CSMD1: variants seen among roughly 807,000 people sequenced by gnomAD.
CSMD1 encodes CUB and Sushi multiple domains 1.
A neutral mutation model predicts 417.5 loss-of-function variants in CSMD1; 213 were observed. The ratio of observed to expected loss-of-function variants is 0.51; its 90% CI spans 0.46 to 0.57. The LOEUF is 0.57. Ranked by LOEUF, CSMD1 falls within the 20% of genes least tolerant of loss-of-function variation. The pLI, the probability that CSMD1 is intolerant of heterozygous loss-of-function variation, is 0.00. For missense variants in CSMD1, 6,923 were observed against 4,529.7 expected, an observed-to-expected ratio of 1.53 and a Z score of -15.17; for synonymous variants, 2,862 against 1,736.8, an observed-to-expected ratio of 1.65 and a Z score of -16.11.
chr8:3,734,632 A>G (rs1422269531), intron 6 of CSMD1, among the ~76,000 whole-genome samples: 2 of 152,118 alleles, frequency 1.3e-5, no homozygotes, highest in African/African-American at 4.8e-5. Flanking sequence ...AATTGCTTGA[A>G]CCTGGGAGGC....
rs116367388 is a variant in CSMD1 at position 4,264,271 on chromosome 8, G to A, written c.415+155682C>T. 8.5e-3 allele frequency among the ~76,000 whole-genome samples: 1,294 copies of A among 152,194 alleles called. 16 individuals are homozygous for A. The highest frequency in any genetic ancestry group is 0.03 in the African/African-American group (1,239 of 41,542). ...AATTTTAAGAATAGACTCAAACATT[G>A]CTATAGTAACACATTATTGTACGTA... On this transcript the variant is annotated intron_variant, in intron 3 of 69. Coordinates refer to ENST00000635120, the MANE Select transcript of CSMD1 (RefSeq NM_033225.6).
At chr8:4,253,163 G>A (rs1276728322) in intron 3 of CSMD1, among the ~76,000 whole-genome samples, 4 of 152,160 alleles carry the variant, frequency 2.6e-5, no homozygotes, top group Non-Finnish European at 5.9e-5. Context: ...AACTCATTAG[G>A]AAACATTCTA....
chr8:3,440,555 T>C (rs1233397596), intron 12 of CSMD1, among the ~76,000 whole-genome samples: 3 of 152,188 alleles, frequency 2.0e-5, no homozygotes, highest in East Asian at 1.9e-4. Flanking sequence ...TGTGAATTCT[T>C]TGGGAAATTC....
At chr8:3,765,383 A>C (rs1377815609) in intron 5 of CSMD1, among the ~76,000 whole-genome samples, 1 of 152,142 alleles carries the variant, frequency 6.6e-6, no homozygotes, top group East Asian at 1.9e-4. Context: ...TAATAGACTT[A>C]ACCACTCCTA....
intron 5 of CSMD1, among the ~76,000 whole-genome samples, chr8:3,882,976 T>G (rs1015018568): frequency 7.2e-5 from 11 of 152,156 alleles, no homozygotes; most frequent in African/African-American, 1.2e-4. Flanking sequence ...GTTTGTTGAC[T>G]CTCAATAGCT....
At position 3,142,771 on chromosome 8, in the gene CSMD1, C is replaced by T; in HGVS notation, c.6032-97G>A. ...CTGAAGTGTTAGCAGTCTCCCCAGA[C>T]AATCCCTCTCTGTGAGACAGAACCA... On this transcript the variant is annotated intron_variant, in intron 40 of 69. Coordinates refer to ENST00000635120, the MANE Select transcript of CSMD1 (RefSeq NM_033225.6). 6 of 1,004,324 alleles carry T rather than the reference C, an allele frequency of 6.0e-6. No individual in the cohort carries two copies. The South Asian group carries it at 6.8e-5, about 11-fold the overall frequency. The allele number at this position is 1,004,324 out of a possible 1,614,324, so 62.2% of individuals were successfully genotyped here.
chr8:4,423,265 A>G (rs1797353205), intron 2 of CSMD1, among the ~76,000 whole-genome samples: 1 of 152,110 alleles, frequency 6.6e-6, no homozygotes, highest in African/African-American at 2.4e-5. Flanking sequence ...GGAATAAATA[A>G]AATTACTACT....
At position 4,567,792 on chromosome 8, in the gene CSMD1, G is replaced by C. The variant is rs372172882; in HGVS notation, c.302+69550C>G. 2.6e-5 allele frequency among the ~76,000 whole-genome samples: 4 copies of C among 151,630 alleles called. No individual in the cohort carries two copies. In the East Asian group the frequency reaches 5.8e-4, roughly 22 times the overall value. ...CTGGTCATAAAATTATCGTATACCA[G>C]AAAGGAAAAAAAAAGTGAGGCAGCA... On this transcript the variant is annotated intron_variant, in intron 2 of 69. Coordinates refer to ENST00000635120, the MANE Select transcript of CSMD1 (RefSeq NM_033225.6).
chr8:4,600,680 A>G (rs568271728), intron 2 of CSMD1, among the ~76,000 whole-genome samples: 107 of 152,284 alleles, frequency 7.0e-4, no homozygotes, highest in South Asian at 2.5e-3. Flanking sequence ...AAATTATTTC[A>G]CAAAAATAGG....
chr8:4,403,988 G>A (rs1245079438), intron 3 of CSMD1, among the ~76,000 whole-genome samples: 1 of 152,058 alleles, frequency 6.6e-6, no homozygotes, highest in Admixed American at 6.6e-5. Context: ...TCCTTTCTCA[G>A]GTCAACCAAT....
At chr8:3,946,249 G>T (rs573472587) in intron 5 of CSMD1, among the ~76,000 whole-genome samples, 1 of 152,062 alleles carries the variant, frequency 6.6e-6, no homozygotes, top group South Asian at 2.1e-4. Flanking sequence ...TCTTGATATT[G>T]TAATTTCCAT....
At chr8:3,492,778 G>C (rs73501514) in intron 11 of CSMD1, among the ~76,000 whole-genome samples, 19,686 of 152,020 alleles carry the variant, frequency 0.13, 1,413 homozygotes, top group East Asian at 0.28. Flanking sequence ...CACCGTGTTT[G>C]CTAAGACTCT....
intron 2 of CSMD1, among the ~76,000 whole-genome samples, chr8:4,585,727 A>C (rs1799666273): frequency 6.6e-6 from 1 of 152,220 alleles, no homozygotes; most frequent in African/African-American, 2.4e-5. Context: ...TGCTATAATA[A>C]AATGATGACC....
At chr8:4,890,613 C>G (rs539796506) in intron 1 of CSMD1, among the ~76,000 whole-genome samples, 14 of 148,928 alleles carry the variant, frequency 9.4e-5, no homozygotes, top group African/African-American at 3.5e-4. Flanking sequence ...ACACCCTCCC[C>G]TGCTTCAGGT....
At chr8:4,992,387 G>A (rs566485330) in intron 1 of CSMD1, among the ~76,000 whole-genome samples, 1 of 152,236 alleles carries the variant, frequency 6.6e-6, no homozygotes, top group South Asian at 2.1e-4. Context: ...CAGCCGGAGC[G>A]TGCGGAACTC....
intron 26 of CSMD1, among the ~76,000 whole-genome samples, chr8:3,281,477 A>G (rs377192472): frequency 3.3e-5 from 5 of 152,170 alleles, no homozygotes; most frequent in African/African-American, 4.8e-5. Context: ...CTGTGGTACA[A>G]CAAGTCAATA....
intron 3 of CSMD1, among the ~76,000 whole-genome samples, chr8:4,117,700 G>C (rs965642461): frequency 6.6e-6 from 1 of 152,158 alleles, no homozygotes; most frequent in Non-Finnish European, 1.5e-5. Context: ...GCCTTCTCTA[G>C]TCAGTAACTT....
chr8:3,723,235 A>G (rs4990837), intron 6 of CSMD1, among the ~76,000 whole-genome samples: 116,948 of 151,558 alleles, frequency 0.77, 45,897 homozygotes, highest in South Asian at 0.9. Flanking sequence ...CTTGTGACCC[A>G]TCCATCAACA....
intron 26 of CSMD1, among the ~76,000 whole-genome samples, chr8:3,231,970 C>G (rs1001829605): frequency 2.0e-5 from 3 of 152,176 alleles, no homozygotes; most frequent in East Asian, 1.9e-4. Context: ...CTTCACCACT[C>G]TCTTTCTCTC....
Sources: allele counts gnomAD v4.1 joint callset (sites outside exome capture counted in the v4.1 genomes callset), GRCh38; gene constraint gnomAD v4.1.1; transcripts MANE v1.5; gene names NCBI Gene and HGNC (gene_info 2026-07-23, HGNC 2026-07-21).